The following FAM168B variants were observed in gnomAD, a reference collection of about 807,000 sequenced individuals.
FAM168B encodes myelin-associated neurite-outgrowth inhibitor.
A neutral mutation model predicts 21.8 loss-of-function variants in FAM168B; 19 were observed. That is an observed-to-expected ratio of 0.87 (90% CI 0.61 to 1.28). FAM168B has a LOEUF of 1.28. Among genes scored for constraint, FAM168B ranks in the 50% most tolerant of loss-of-function variants. The pLI is 0.00. For synonymous variants in FAM168B, 126 were observed against 104.8 expected, an observed-to-expected ratio of 1.20 and a Z score of -1.24; for missense variants, 233 against 263.1, an observed-to-expected ratio of 0.89 and a Z score of 0.79.
chr2:131,063,979 C>T (rs1168909535), intron 3 of FAM168B, among the ~76,000 whole-genome samples: 2 of 151,958 alleles, frequency 1.3e-5, no homozygotes, highest in Non-Finnish European at 2.9e-5. Flanking sequence ...CAAAAATATA[C>T]ACTGCCTCCC....
At chr2:131,052,849 C>G in intron 6 of FAM168B, 42 bp downstream of exon 6, 1 of 1,542,768 alleles carries the variant, frequency 6.5e-7, no homozygotes, top group Non-Finnish European at 8.8e-7. Flanking sequence ...CATGGAAATG[C>G]CCTTTCATCA....
intron 1 of FAM168B, among the ~76,000 whole-genome samples, chr2:131,092,101 G>A (rs1420821229): frequency 1.3e-5 from 2 of 149,864 alleles, no homozygotes; most frequent in Admixed American, 6.7e-5. Flanking sequence ...CCGAGATGGC[G>A]CCACTGCACT....
At chr2:131,076,261 C>A (rs1409132546) in intron 2 of FAM168B, among the ~76,000 whole-genome samples, 4 of 152,224 alleles carry the variant, frequency 2.6e-5, no homozygotes, top group Non-Finnish European at 5.9e-5. Context: ...CAGAGACCGT[C>A]TCCTTCAGCA....
chr2:131,081,147 A>T (rs1423977810), intron 2 of FAM168B, among the ~76,000 whole-genome samples: 1 of 152,158 alleles, frequency 6.6e-6, no homozygotes, highest in Non-Finnish European at 1.5e-5. Context: ...TTCATTTCTT[A>T]AAGTTCCAGC....
At chr2:131,065,817 A>G (rs533569374) in intron 3 of FAM168B, among the ~76,000 whole-genome samples, 50 of 151,874 alleles carry the variant, frequency 3.3e-4, no homozygotes, top group African/African-American at 1.0e-3. Flanking sequence ...GAAAAAAAAA[A>G]AAAAGAAAAG....
intron 3 of FAM168B, among the ~76,000 whole-genome samples, chr2:131,057,137 C>T (rs1173026802): frequency 3.3e-5 from 5 of 152,178 alleles, no homozygotes; most frequent in Admixed American, 6.5e-5. Flanking sequence ...GACAGTGCAA[C>T]TTTGCAAGCC....
intron 2 of FAM168B, among the ~76,000 whole-genome samples, chr2:131,081,216 T>A (rs907624652): frequency 6.6e-6 from 1 of 152,228 alleles, no homozygotes; most frequent in East Asian, 1.9e-4. Flanking sequence ...TTCTTTTATA[T>A]CTGCAATTCT....
chr2:131,081,402 G>T (rs895130618), intron 2 of FAM168B, among the ~76,000 whole-genome samples: 1 of 152,186 alleles, frequency 6.6e-6, no homozygotes, highest in African/African-American at 2.4e-5. Flanking sequence ...TTCTGCATTC[G>T]CTGCTGTCAG....
intron 5 of FAM168B, among the ~76,000 whole-genome samples, chr2:131,054,738 G>A (rs2105458856): frequency 1.3e-5 from 2 of 152,302 alleles, no homozygotes; most frequent in South Asian, 4.1e-4. Context: ...GCCCATCCCA[G>A]CCAGGGGCCT....
chr2:131,058,041 A>G (rs1393046954), intron 3 of FAM168B, among the ~76,000 whole-genome samples: 1 of 152,192 alleles, frequency 6.6e-6, no homozygotes, highest in Non-Finnish European at 1.5e-5. Flanking sequence ...CATGTTGGCC[A>G]GGATAGTCTG....
At chr2:131,071,193 G>A (rs964751738) in intron 3 of FAM168B, among the ~76,000 whole-genome samples, 43 of 152,210 alleles carry the variant, frequency 2.8e-4, no homozygotes, top group African/African-American at 9.9e-4. Flanking sequence ...AGCTACTGTT[G>A]AGGGATAAAG....
intron 3 of FAM168B, among the ~76,000 whole-genome samples, chr2:131,058,047 G>C (rs1477816377): frequency 6.6e-6 from 1 of 152,128 alleles, no homozygotes; most frequent in African/African-American, 2.4e-5. Flanking sequence ...GGCCAGGATA[G>C]TCTGGAACTC....
chr2:131,077,212 TAAAAAA>T (rs34175924), intron 2 of FAM168B, among the ~76,000 whole-genome samples: 2 of 130,280 alleles, frequency 1.5e-5, no homozygotes, highest in Non-Finnish European at 3.3e-5. Flanking sequence ...CTATTACATT[TAAAAAA>T]AAAAAAAAAA....
Position 131,050,459 on chromosome 2 carries a change from A to C in FAM168B, c.*2006T>G, listed in dbSNP as rs189176824. The C allele has an allele frequency of 1.8e-4, 176 of 985,860 alleles. No homozygotes were observed. In the African/African-American group the frequency reaches 2.7e-3, roughly 15 times the overall value. The allele number at this position is 985,860 out of a possible 1,614,324, so 61.1% of individuals were successfully genotyped here. ...GGAATTACCAACAGAGACTTGAAGA[A>C]AGGGGCACAAACTGTGTGCCTGCGG... On this transcript the variant is annotated 3_prime_UTR_variant, in exon 7 of 7. Coordinates refer to ENST00000389915, the MANE Select transcript of FAM168B (RefSeq NM_001009993.4).
In FAM168B at chr2:131,049,228, G is replaced by A; in HGVS notation, c.*3237C>T. 7 of 985,380 alleles carry A rather than the reference G, an allele frequency of 7.1e-6. No homozygotes were observed. Among genetic ancestry groups the A allele is most frequent in the Non-Finnish European group, 8.4e-6 (7 of 829,954 alleles). The allele number at this position is 985,380 out of a possible 1,614,324, so 61.0% of individuals were successfully genotyped here. On this transcript the variant is annotated 3_prime_UTR_variant, in exon 7 of 7. Transcript: ENST00000389915. ...TATTTCCTAGACCTCATTCATCACA[G>A]CCAGATGATGCCACCAGAAAGAGCA...
At chr2:131,080,078 T>C (rs1693358145) in intron 2 of FAM168B, among the ~76,000 whole-genome samples, 1 of 150,554 alleles carries the variant, frequency 6.6e-6, no homozygotes, top group Non-Finnish European at 1.5e-5. Flanking sequence ...GATCACGCCA[T>C]TGCACTCCAG....
At chr2:131,071,319 C>A in intron 3 of FAM168B, among the ~76,000 whole-genome samples, 1 of 152,156 alleles carries the variant, frequency 6.6e-6, no homozygotes, top group East Asian at 1.9e-4. Flanking sequence ...CCAAAAGGAA[C>A]CAACACCAGA....
chr2:131,074,136 CTCTTT>C (rs1182951272), intron 2 of FAM168B, among the ~76,000 whole-genome samples: 1 of 150,938 alleles, frequency 6.6e-6, no homozygotes, highest in African/African-American at 2.5e-5. Context: ...AAAGTATTCT[CTCTTT>C]TTTTTTGAGA....
At chr2:131,091,356 T>A (rs1191898958) in intron 1 of FAM168B, among the ~76,000 whole-genome samples, 3 of 137,584 alleles carry the variant, frequency 2.2e-5, no homozygotes, top group East Asian at 2.2e-4. Flanking sequence ...AATGAATAAA[T>A]AAAAAATAAA....
Sources: gnomAD v4.1 joint callset for allele counts (sites outside exome capture counted in the v4.1 genomes callset) on GRCh38, gnomAD v4.1.1 for gene constraint, MANE v1.5 for transcripts, NCBI Gene and HGNC (gene_info 2026-07-23, HGNC 2026-07-21) for gene names.